HPD: variants seen among roughly 807,000 people sequenced by gnomAD.
HPD encodes the protein 4-hydroxyphenylpyruvate dioxygenase, also known as 4-hydroxyphenylpyruvic acid oxidase.
A neutral mutation model predicts 56.9 loss-of-function variants in HPD; 35 were observed. That is an observed-to-expected ratio of 0.62 (90% CI 0.47 to 0.82). The LOEUF (loss-of-function observed/expected upper bound fraction) is 0.82, where lower values mean the gene tolerates loss of function less well. Ranked by LOEUF, HPD falls within the 40% of genes least tolerant of loss-of-function variation. HPD has a pLI of 0.00. For missense variants in HPD, 442 were observed against 506.8 expected, an observed-to-expected ratio of 0.87 and a Z score of 1.23; for synonymous variants, 186 against 200.2, an observed-to-expected ratio of 0.93 and a Z score of 0.60.
upstream of HPD, among the ~76,000 whole-genome samples, chr12:121,860,703 G>C (rs1878150903): frequency 6.6e-6 from 1 of 152,200 alleles, no homozygotes; most frequent in South Asian, 2.1e-4. Context: ...CTGATCAGAT[G>C]GGTTCATAGG....
intron 11 of HPD, among the ~76,000 whole-genome samples, chr12:121,845,305 G>A (rs1174541026): frequency 6.7e-6 from 1 of 148,714 alleles, no homozygotes; most frequent in Non-Finnish European, 1.5e-5. Context: ...TTGTAAAGAT[G>A]AGGTCTTATG....
chr12:121,887,200 C>G, the HPD span, among the ~76,000 whole-genome samples: 2 of 151,120 alleles, frequency 1.3e-5, no homozygotes, highest in African/African-American at 2.4e-5. Context: ...ACACCTGGTC[C>G]TCTGCTAATT....
the HPD span, among the ~76,000 whole-genome samples, chr12:121,869,330 A>G: frequency 7.2e-6 from 1 of 138,546 alleles, no homozygotes. Context: ...AGCCTGGGTG[A>G]CAAGAGTGAA....
chr12:121,842,821 C>T (rs981799252), intron 12 of HPD, among the ~76,000 whole-genome samples: 1 of 145,930 alleles, frequency 6.9e-6, no homozygotes. Flanking sequence ...AATCTCGGCT[C>T]ACTGCAACCT....
rs760488741 is a variant in HPD, at chr12:121,857,050, TTTG to T, written c.198+275_198+277del. ...GTCGGTGGGAGCTGAATTATATGTTTTTGTTGTTGTTGTTGGGGTTTTTTGTTG... is the reference window on the plus strand; with the variant it reads ...GTCGGTGGGAGCTGAATTATATGTTTTTGTTGTTGTTGGGGTTTTTTGTTG... On this transcript the variant is annotated intron_variant, in intron 4 of 13. Coordinates refer to ENST00000289004, the MANE Select transcript of HPD (RefSeq NM_002150.3). The T allele has an allele frequency of 8.6e-4, 438 of 510,096 alleles. 3 individuals carry two copies. Among genetic ancestry groups the T allele is most frequent in the East Asian group, 3.4e-3 (94 of 27,494 alleles). The allele number at this position is 510,096 out of a possible 1,614,324, so 31.6% of individuals were successfully genotyped here.
At chr12:121,859,128 C>A, upstream of HPD, 1 of 469,970 alleles carries the variant, frequency 2.1e-6, no homozygotes, top group Non-Finnish European at 3.9e-6. Context: ...ACCATTACTG[C>A]CCAGAATCCA....
chr12:121,842,370 A>G (rs1203725583), intron 12 of HPD, among the ~76,000 whole-genome samples: 1 of 151,988 alleles, frequency 6.6e-6, no homozygotes, highest in African/African-American at 2.4e-5. Context: ...GCCTCAAGCA[A>G]TCCTCTCACT....
chr12:121,861,034 T>C (rs975641402), upstream of HPD, among the ~76,000 whole-genome samples: 5 of 152,044 alleles, frequency 3.3e-5, no homozygotes, highest in African/African-American at 1.2e-4. Context: ...ACCCTATCTC[T>C]ACTAAAAATA....
chr12:121,861,808 T>C (rs1878180886), upstream of HPD, among the ~76,000 whole-genome samples: 1 of 152,164 alleles, frequency 6.6e-6, no homozygotes, highest in Non-Finnish European at 1.5e-5. Flanking sequence ...CTCGCTTCGC[T>C]CTTAGCCTCG....
chr12:121,868,661 C>T, the HPD span, among the ~76,000 whole-genome samples: 1 of 151,754 alleles, frequency 6.6e-6, no homozygotes, highest in East Asian at 1.9e-4. Context: ...CCTGGGATTA[C>T]AGGCCTGTGC....
chr12:121,843,927 A>G, intron 11 of HPD, 95 bp from the exon 12 acceptor site: 5 of 1,462,258 alleles, frequency 3.4e-6, no homozygotes, highest in Non-Finnish European at 4.8e-6. Flanking sequence ...CAGGGTCCCT[A>G]TCCTAGCTCC....
At chr12:121,857,502 C>A in intron 3 of HPD, 70 bp from the exon 4 acceptor site, 1 of 1,190,590 alleles carries the variant, frequency 8.4e-7, no homozygotes. Flanking sequence ...CGCAAGAGAG[C>A]CCCTGGCCCC....
upstream of HPD, among the ~76,000 whole-genome samples, chr12:121,863,136 C>G (rs1203687694): frequency 6.6e-6 from 1 of 152,148 alleles, no homozygotes; most frequent in Admixed American, 6.5e-5. Context: ...GCATGCGCCA[C>G]CACACCAAGC....
chr12:121,849,116 C>T (rs769259224), intron 8 of HPD, 40 bp from the exon 9 acceptor site: 2 of 1,292,642 alleles, frequency 1.5e-6, no homozygotes, highest in Non-Finnish European at 2.3e-6. Flanking sequence ...GGTGGCTACC[C>T]CCCAGATTGC....
intron 12 of HPD, 108 bp from the exon 13 acceptor site, chr12:121,840,156 T>C (rs1160979178): frequency 1.3e-6 from 1 of 793,464 alleles, no homozygotes; most frequent in Non-Finnish European, 2.3e-6. Context: ...CCTCTTTTTC[T>C]GGCAGTTCAG....
At position 121,843,829 on chromosome 12, in the gene HPD, G is replaced by A. The variant is rs148442477; in HGVS notation, c.835C>T (p.Arg279Cys). The change falls in exon 12 of 14, where the codon CGC (arginine) becomes TGC (cysteine). Residue 279 changes from arginine (R) to cysteine (C), a missense_variant. Physicochemically the swap from Arg to Cys is radical, Grantham distance 180. Coordinates refer to ENST00000289004, the MANE Select transcript of HPD (RefSeq NM_002150.3). ...LKTEDIITAI[R>C]HLRERGLEFL... ...TCCAGGCCTCTCTCTCTCAAGTGGCGAATCTGTTTCAGAGCAAAGCTGAGG... is the reference window on the plus strand; with the variant it reads ...TCCAGGCCTCTCTCTCTCAAGTGGCAAATCTGTTTCAGAGCAAAGCTGAGG... The A allele has an allele frequency of 1.2e-5, 19 of 1,613,924 alleles. No homozygotes were observed. Among genetic ancestry groups the A allele is most frequent in the Non-Finnish European group, 1.6e-5 (19 of 1,179,998 alleles).
At chr12:121,870,377 G>A in the HPD span, among the ~76,000 whole-genome samples, 9 of 151,584 alleles carry the variant, frequency 5.9e-5, no homozygotes, top group African/African-American at 1.9e-4. Flanking sequence ...GTGTGGTGGC[G>A]CATGCCTGTA....
the HPD span, among the ~76,000 whole-genome samples, chr12:121,872,624 G>C: frequency 6.6e-6 from 1 of 151,874 alleles, no homozygotes; most frequent in African/African-American, 2.4e-5. Flanking sequence ...CGTTTGGGTG[G>C]GGCATGTGAG....
chr12:121,856,662 CAG>C, intron 4 of HPD, 37 bp from the exon 5 acceptor site: 1 of 1,607,002 alleles, frequency 6.2e-7, no homozygotes, highest in Non-Finnish European at 8.5e-7. Flanking sequence ...GCTAGTGGCT[CAG>C]GGGGGCATGG....
Sources: gnomAD v4.1 joint callset for allele counts (sites outside exome capture counted in the v4.1 genomes callset) on GRCh38, gnomAD v4.1.1 for gene constraint, MANE v1.5 for transcripts, NCBI Gene and HGNC (gene_info 2026-07-23, HGNC 2026-07-21) for gene names.